SLC25A40: variants seen among roughly 807,000 people sequenced by gnomAD.
SLC25A40 encodes mitochondrial glutathione transporter SLC25A40.
In SLC25A40, 41 loss-of-function variants were observed where a neutral mutation model predicts 46.5. The ratio of observed to expected loss-of-function variants is 0.88; its 90% confidence interval spans 0.69 to 1.14. The LOEUF is 1.14. SLC25A40 is among the 50% of genes most tolerant of loss of function. SLC25A40 has a pLI of 0.00. For synonymous variants in SLC25A40, 126 were observed against 127.5 expected (o/e 0.99, Z 0.08); for missense variants, 386 against 393.6 (o/e 0.98, Z 0.16).
chr7:87,854,097 T>C, intron 5 of SLC25A40, 107 bp downstream of exon 5: 1 of 747,648 alleles, frequency 1.3e-6, no homozygotes, highest in South Asian at 1.7e-5. Flanking sequence ...AGTAGTTCCC[T>C]GTTCTCAGTT....
rs752003374 is a variant in SLC25A40, at chr7:87,833,583, C to A, written c.*2666G>T. 3 of 151,894 alleles carry A rather than the reference C, an allele frequency of 2.0e-5. No homozygotes were observed. Among genetic ancestry groups the A allele is most frequent in the Non-Finnish European group, 4.4e-5 (3 of 67,930 alleles). 9.4% of individuals were successfully genotyped at this position (151,894 alleles called of 1,614,324 possible). A position where few individuals can be genotyped will look rare whatever the true frequency, so the allele number is the denominator to read the frequency against. On this transcript the variant is annotated 3_prime_UTR_variant, in exon 12 of 12. Transcript: ENST00000341119. ...AGATTAAATATAAAAGCAGTAATAT[C>A]TTTTATTTAAAAAGTTCATCTTAGA... is the stretch of plus-strand genomic sequence containing the variant.
intron 1 of SLC25A40, among the ~76,000 whole-genome samples, chr7:87,864,529 A>G (rs894643214): frequency 7.9e-5 from 12 of 152,184 alleles, no homozygotes; most frequent in Non-Finnish European, 1.5e-4. Flanking sequence ...TATAATTGTT[A>G]TATCATCTTG....
chr7:87,874,893 T>A (rs1369259489), intron 1 of SLC25A40, among the ~76,000 whole-genome samples: 1 of 152,220 alleles, frequency 6.6e-6, no homozygotes, highest in Admixed American at 6.5e-5. Flanking sequence ...TAATCAATTC[T>A]CTTATTTCAC....
chr7:87,838,447 T>A (rs931944233), intron 10 of SLC25A40, among the ~76,000 whole-genome samples: 1 of 151,476 alleles, frequency 6.6e-6, no homozygotes, highest in Middle Eastern at 3.2e-3. Flanking sequence ...CTTTTCAACA[T>A]TAAAGAGCTA....
At chr7:87,854,942 C>T (rs1341496060) in intron 4 of SLC25A40, among the ~76,000 whole-genome samples, 1 of 151,960 alleles carries the variant, frequency 6.6e-6, no homozygotes, top group Admixed American at 6.6e-5. Flanking sequence ...GCCAGGGGAC[C>T]ACTTGAGGCC....
chr7:87,856,461 A>C (rs1046393837), intron 3 of SLC25A40, 110 bp from the exon 4 acceptor site: 12 of 887,736 alleles, frequency 1.4e-5, no homozygotes, highest in East Asian at 9.7e-5. Flanking sequence ...TGGCTATATA[A>C]TTGGTAAGCT....
chr7:87,870,003 A>C (rs1280933319), intron 1 of SLC25A40, among the ~76,000 whole-genome samples: 1 of 152,170 alleles, frequency 6.6e-6, no homozygotes, highest in Non-Finnish European at 1.5e-5. Context: ...GAATATATGA[A>C]TCGTGAAATC....
At position 87,856,339 on chromosome 7, in the gene SLC25A40, T is replaced by C. The variant is rs1428270167; in HGVS notation, c.110A>G (p.Asp37Gly). Reference sequence around the variant, plus strand: ...GGCTTGGAGTCTAATTTTAACAACATCCAGGGGTGTCACTATGAAGATATG... The same window carrying C: ...GGCTTGGAGTCTAATTTTAACAACACCCAGGGGTGTCACTATGAAGATATG... ...ILTSVIVTPLDVVKIRLQAQN... is the reference protein window; with the variant it reads ...ILTSVIVTPLGVVKIRLQAQN... Residue 37 changes from aspartate (D) to glycine (G), a missense_variant, in exon 4 of 12, where the codon GAT becomes GGT. Coordinates refer to ENST00000341119, the MANE Select transcript of SLC25A40 (RefSeq NM_018843.4). 17 of 1,613,178 alleles carry C rather than the reference T, an allele frequency of 1.1e-5. No individual in the cohort carries two copies. The highest frequency in any genetic ancestry group is 1.2e-5 in the Non-Finnish European group (14 of 1,179,408).
chr7:87,860,263 A>C (rs1838677386), intron 2 of SLC25A40: 1 of 152,190 alleles, frequency 6.6e-6, no homozygotes, highest in African/African-American at 2.4e-5. Context: ...GAAAGCTTGG[A>C]TCAATCTATA....
intron 1 of SLC25A40, among the ~76,000 whole-genome samples, chr7:87,866,530 G>A (rs548607697): frequency 3.4e-4 from 52 of 152,254 alleles, no homozygotes; most frequent in African/African-American, 1.1e-3. Flanking sequence ...CAGTTTCTGG[G>A]GTGCCAGTTG....
chr7:87,838,769 G>A (rs900868446), intron 10 of SLC25A40, among the ~76,000 whole-genome samples: 2 of 151,474 alleles, frequency 1.3e-5, no homozygotes, highest in Non-Finnish European at 3.0e-5. Context: ...ACAGAACAAT[G>A]TATACTCTTC....
At chr7:87,863,566 C>A (rs955457611) in intron 1 of SLC25A40, among the ~76,000 whole-genome samples, 3 of 151,074 alleles carry the variant, frequency 2.0e-5, no homozygotes, top group African/African-American at 7.3e-5. Context: ...TGAGAACGGA[C>A]TAAGACATTT....
At chr7:87,869,743 C>T (rs1403696462) in intron 1 of SLC25A40, among the ~76,000 whole-genome samples, 1 of 152,094 alleles carries the variant, frequency 6.6e-6, no homozygotes, top group Non-Finnish European at 1.5e-5. Flanking sequence ...TGATGAAAAT[C>T]TGGGTTGTTT....
intron 6 of SLC25A40, among the ~76,000 whole-genome samples, chr7:87,849,395 A>C (rs1440727444): frequency 6.6e-6 from 1 of 152,142 alleles, no homozygotes; most frequent in Non-Finnish European, 1.5e-5. Context: ...TTTATAGTAC[A>C]CTTCTTTCCT....
chr7:87,871,324 G>C (rs1584341343), intron 1 of SLC25A40, among the ~76,000 whole-genome samples: 1 of 152,180 alleles, frequency 6.6e-6, no homozygotes, highest in African/African-American at 2.4e-5. Flanking sequence ...AGGCCCTTCA[G>C]ACCAACAAGC....
At chr7:87,857,556 T>C (rs1032255147) in intron 3 of SLC25A40, among the ~76,000 whole-genome samples, 1 of 152,200 alleles carries the variant, frequency 6.6e-6, no homozygotes, top group Admixed American at 6.5e-5. Context: ...AGGGACCAGG[T>C]GGAGCCGCAG....
intron 4 of SLC25A40, among the ~76,000 whole-genome samples, chr7:87,855,036 C>T (rs552995570): frequency 1.5e-4 from 22 of 151,712 alleles, no homozygotes; most frequent in African/African-American, 4.1e-4. Flanking sequence ...ATGGCACGTG[C>T]CTGTAGTCCC....
At chr7:87,849,789 T>C in intron 6 of SLC25A40, 92 bp downstream of exon 6, 2 of 890,656 alleles carry the variant, frequency 2.2e-6, no homozygotes, top group Non-Finnish European at 3.4e-6. Flanking sequence ...AGCATTCTAA[T>C]ATTAAAAATG....
At chr7:87,841,753 T>C in intron 9 of SLC25A40, 39 bp from the exon 10 acceptor site, 2 of 1,248,516 alleles carry the variant, frequency 1.6e-6, no homozygotes, top group Non-Finnish European at 2.2e-6. Context: ...AATCAACCTG[T>C]TAATTTTTCC....
Sources: gnomAD v4.1 joint callset for allele counts (sites outside exome capture counted in the v4.1 genomes callset) on GRCh38, gnomAD v4.1.1 for gene constraint, MANE v1.5 for transcripts, NCBI Gene and HGNC (gene_info 2026-07-23, HGNC 2026-07-21) for gene names.